Variants in EPB41 observed in about 807,000 individuals in gnomAD.
The protein encoded by EPB41 is erythrocyte membrane protein band 4.1.
A neutral mutation model predicts 108.0 loss-of-function variants in EPB41; 65 were observed. That is an observed-to-expected ratio of 0.60 (90% CI 0.49 to 0.74). The LOEUF is 0.74. EPB41 is among the 30% of genes least tolerant of loss of function. EPB41 has a pLI of 0.00. For synonymous variants in EPB41, 336 were observed against 358.9 expected, an observed-to-expected ratio of 0.94 and a Z score of 0.72; for missense variants, 875 against 1,037.0, an observed-to-expected ratio of 0.84 and a Z score of 2.15.
At chr1:28,914,348 TCTC>T (rs900842061), upstream of EPB41, among the ~76,000 whole-genome samples, 24 of 152,238 alleles carry the variant, frequency 1.6e-4, no homozygotes, top group Admixed American at 1.4e-3. Flanking sequence ...CCTTTTCCTC[TCTC>T]TTTTTCGTTC....
At chr1:29,039,220 TATA>T (rs1640599933) in intron 10 of EPB41, 31 bp from the exon 11 acceptor site, 1 of 1,594,026 alleles carries the variant, frequency 6.3e-7, no homozygotes, top group Non-Finnish European at 8.6e-7. Context: ...AAGATGAATA[TATA>T]ATAATATGAC....
At chr1:29,026,054 C>T (rs1250927034) in intron 7 of EPB41, among the ~76,000 whole-genome samples, 1 of 149,814 alleles carries the variant, frequency 6.7e-6, no homozygotes, top group African/African-American at 2.4e-5. Context: ...AGAGATGGTC[C>T]CACACCAGCA....
intron 1 of EPB41, among the ~76,000 whole-genome samples, chr1:28,961,133 A>C (rs1462800526): frequency 6.6e-6 from 1 of 152,122 alleles, no homozygotes; most frequent in Non-Finnish European, 1.5e-5. Flanking sequence ...TGTATCTAGA[A>C]GAATCATAAC....
At chr1:29,076,720 T>C (rs74065244) in intron 16 of EPB41, among the ~76,000 whole-genome samples, 2,865 of 152,266 alleles carry the variant, frequency 0.019, 49 homozygotes, top group Middle Eastern at 0.095. Context: ...TGTGCCTTTC[T>C]CCTCAAAACT....
At chr1:29,040,136 G>A (rs182394138) in intron 11 of EPB41, among the ~76,000 whole-genome samples, 13 of 152,208 alleles carry the variant, frequency 8.5e-5, no homozygotes, top group African/African-American at 2.9e-4. Flanking sequence ...AGGAGGTGGA[G>A]GCTGCAGTGT....
chr1:29,033,019 G>T, intron 8 of EPB41, 74 bp from the exon 9 acceptor site: 1 of 1,421,924 alleles, frequency 7.0e-7, no homozygotes, highest in Non-Finnish European at 9.9e-7. Flanking sequence ...GTTATCTTCA[G>T]ATTATCTAGT....
chr1:29,021,229 G>A (rs2096640733), intron 7 of EPB41, among the ~76,000 whole-genome samples: 1 of 152,120 alleles, frequency 6.6e-6, no homozygotes, highest in Admixed American at 6.6e-5. Flanking sequence ...GGTCCATGAA[G>A]TCAAAATTAT....
upstream of EPB41, among the ~76,000 whole-genome samples, chr1:28,913,684 C>T (rs2092377292): frequency 6.6e-6 from 1 of 152,166 alleles, no homozygotes; most frequent in Non-Finnish European, 1.5e-5. Flanking sequence ...AACACCAGAT[C>T]CTATCTTACC....
chr1:28,992,529 GTACAAAAAAATTA>G (rs1161115694), intron 2 of EPB41, among the ~76,000 whole-genome samples: 2 of 151,978 alleles, frequency 1.3e-5, no homozygotes, highest in Non-Finnish European at 2.9e-5. Context: ...TCTACTAAAA[GTACAAAAAAATTA>G]GCTGGGCGTG....
intron 11 of EPB41, 52 bp downstream of exon 11, chr1:29,039,478 TAAAG>T: frequency 1.2e-6 from 2 of 1,606,228 alleles, no homozygotes. Flanking sequence ...TTTGGAAAGA[TAAAG>T]GAAGTGCAAT....
At chr1:28,931,713 G>A (rs916690958) in intron 1 of EPB41, among the ~76,000 whole-genome samples, 1 of 150,358 alleles carries the variant, frequency 6.7e-6, no homozygotes, top group Non-Finnish European at 1.5e-5. Context: ...TTTTTGTATT[G>A]TTGGTAGAGA....
intron 1 of EPB41, among the ~76,000 whole-genome samples, chr1:28,939,256 A>T (rs183259044): frequency 4.6e-5 from 7 of 152,042 alleles, no homozygotes; most frequent in African/African-American, 1.7e-4. Context: ...TGAGATGATC[A>T]TGTGGATTTT....
rs139264201 is a variant in EPB41 at position 29,108,437 on chromosome 1, C to T, written c.2314-899C>T. Among the ~76,000 whole-genome samples, 342 of 152,240 alleles carry T rather than the reference C, an allele frequency of 2.2e-3. 2 individuals are homozygous for T. Among genetic ancestry groups the T allele is most frequent in the African/African-American group, 7.8e-3 (326 of 41,546 alleles). On this transcript the variant is annotated intron_variant, in intron 17 of 20. Transcript: ENST00000343067. Reference sequence around the variant, plus strand: ...TGCTGGGATTATAGGCCTGAGCCACCGTGCCCGGCCCCTGCCTCCTATTTC... The same window carrying T: ...TGCTGGGATTATAGGCCTGAGCCACTGTGCCCGGCCCCTGCCTCCTATTTC...
At chr1:28,929,314 C>T (rs1398289796) in intron 1 of EPB41, among the ~76,000 whole-genome samples, 3 of 151,802 alleles carry the variant, frequency 2.0e-5, no homozygotes, top group African/African-American at 4.8e-5. Flanking sequence ...CAAGCTCTGC[C>T]TCCCGGGTTC....
intron 17 of EPB41, 84 bp downstream of exon 17, chr1:29,098,019 G>C (rs979992181): frequency 6.3e-7 from 1 of 1,581,990 alleles, no homozygotes; most frequent in African/African-American, 1.3e-5. Flanking sequence ...GTCATTTATC[G>C]CCAAGAATAC....
rs1671147392 is a variant in EPB41 at position 29,117,101 on chromosome 1, C to T, written c.*289C>T. ...GTTTTTTTAATTGGGTGGTTTGTAACCCCTTCAGCCTAGCCTCTCTGCCCA... is the reference window on the plus strand; with the variant it reads ...GTTTTTTTAATTGGGTGGTTTGTAATCCCTTCAGCCTAGCCTCTCTGCCCA... On this transcript the variant is annotated 3_prime_UTR_variant, in exon 21 of 21. Transcript: ENST00000343067. 1 of 152,086 alleles carries T rather than the reference C, an allele frequency of 6.6e-6. No homozygotes were observed. The highest frequency in any genetic ancestry group is 1.5e-5 in the Non-Finnish European group (1 of 68,038). 9.4% of individuals were successfully genotyped at this position (152,086 alleles called of 1,614,324 possible). A position where few individuals can be genotyped will look rare whatever the true frequency, so the allele number is the denominator to read the frequency against.
intron 16 of EPB41, chr1:29,069,381 A>C (rs1650138487): frequency 1.6e-6 from 2 of 1,229,930 alleles, no homozygotes; most frequent in African/African-American, 3.1e-5. Flanking sequence ...GGGAGAAAAA[A>C]CTTTCTTTAA....
At chr1:29,001,529 T>C (rs2096293288) in intron 4 of EPB41, among the ~76,000 whole-genome samples, 1 of 152,188 alleles carries the variant, frequency 6.6e-6, no homozygotes, top group Non-Finnish European at 1.5e-5. Flanking sequence ...TCCTCAGAAA[T>C]GGTACATGGG....
chr1:28,902,375 T>C (rs1375790046), intron 1 of EPB41: 17 of 985,270 alleles, frequency 1.7e-5, no homozygotes, highest in Non-Finnish European at 1.9e-5. Flanking sequence ...GCAATGGTTA[T>C]TATGTCATTA....
Sources: gnomAD v4.1 joint callset for allele counts (sites outside exome capture counted in the v4.1 genomes callset) on GRCh38, gnomAD v4.1.1 for gene constraint, MANE v1.5 for transcripts, NCBI Gene and HGNC (gene_info 2026-07-23, HGNC 2026-07-21) for gene names.